The following HEMK1 variants were observed in gnomAD, a reference collection of about 807,000 sequenced individuals.
HEMK1 encodes HemK methyltransferase 1, mitochondrial release factors N(5)-glutamine, also known as MTRF1L release factor glutamine methyltransferase.
A neutral mutation model predicts 47.9 loss-of-function variants in HEMK1; 36 were observed. The ratio of observed to expected loss-of-function variants is 0.75; its 90% confidence interval spans 0.58 to 0.99. The LOEUF is 0.99. Among genes scored for constraint, HEMK1 ranks in the 50% least tolerant of loss-of-function variants. The pLI is 0.00. For synonymous variants in HEMK1, 153 were observed against 165.4 expected (o/e 0.93, Z 0.57); for missense variants, 383 against 434.5 (o/e 0.88, Z 1.05).
rs2031758117 is a variant in HEMK1, at chr3:50,592,130, G to A, written c.*11713G>A. ...AAAAAAAAAAAAGAAAGAAAAGAGA[G>A]CCAAAGCTCAGAGAGGGCCCATGAC... On this transcript the variant is annotated 3_prime_UTR_variant, in exon 11 of 11. Coordinates refer to ENST00000232854, the MANE Select transcript of HEMK1 (RefSeq NM_016173.5). The A allele has an allele frequency of 6.6e-6, 1 of 151,810 alleles. No homozygotes were observed. Among genetic ancestry groups the A allele is most frequent in the South Asian group, 2.1e-4 (1 of 4,816 alleles). 9.4% of individuals were successfully genotyped at this position (151,810 alleles called of 1,614,324 possible). A position where few individuals can be genotyped will look rare whatever the true frequency, so the allele number is the denominator to read the frequency against.
Position 50,571,303 on chromosome 3 carries a change from A to C in HEMK1, c.199A>C (p.Ile67Leu). 6.2e-7 allele frequency: 1 copy of C among 1,605,762 alleles called. No individual in the cohort carries two copies. Among genetic ancestry groups the C allele is most frequent in the Non-Finnish European group, 8.5e-7 (1 of 1,175,692 alleles). Reference sequence around the variant, plus strand: ...TGAGGCCCGGGAATCCAGTGAGTACATCGTGGCTCATGTCCTTGGAGCCAA... The same window carrying C: ...TGAGGCCCGGGAATCCAGTGAGTACCTCGTGGCTCATGTCCTTGGAGCCAA... The part of the protein sequence containing the change: ...IPEARESSEY[I>L]VAHVLGAKTF... Residue 67 changes from isoleucine (I) to leucine (L), a missense_variant, in exon 2 of 11, where the codon ATC (isoleucine) becomes CTC (leucine). By Grantham distance (5) the Ile-to-Leu change is conservative. Transcript: ENST00000232854.
At chr3:50,575,743 C>T (rs1054009008) in intron 4 of HEMK1, among the ~76,000 whole-genome samples, 1 of 152,202 alleles carries the variant, frequency 6.6e-6, no homozygotes, top group Non-Finnish European at 1.5e-5. Context: ...TCCCAGGAGT[C>T]CTGACCCTCT....
chr3:50,575,760 C>A (rs1322708978), intron 4 of HEMK1, among the ~76,000 whole-genome samples: 1 of 152,190 alleles, frequency 6.6e-6, no homozygotes, highest in Non-Finnish European at 1.5e-5. Context: ...CTCTGGGGGG[C>A]TTCTCTGCCC....
rs1315615364 is a variant in HEMK1 at position 50,571,318 on chromosome 3, C to A, written c.214C>A (p.Leu72Ile). Residue 72 changes from leucine (L) to isoleucine (I), a missense_variant, in exon 2 of 11, where the codon CTT becomes ATT. By Grantham distance (5) the Leu-to-Ile change is conservative (BLOSUM62 2). Coordinates refer to ENST00000232854, the MANE Select transcript of HEMK1 (RefSeq NM_016173.5). ...ESSEYIVAHV[L>I]GAKTFQSLRP... ...CAGTGAGTACATCGTGGCTCATGTC[C>A]TTGGAGCCAAAACAGTTAAGTTTAG... The A allele has an allele frequency of 2.5e-6, 4 of 1,593,954 alleles. No homozygotes were observed. The Admixed American group carries it at 7.0e-5, about 28-fold the overall frequency.
rs1472592726 is a variant in HEMK1 at position 50,584,890 on chromosome 3, G to C, written c.*4473G>C. 1 of 152,254 alleles carries C rather than the reference G, an allele frequency of 6.6e-6. No individual in the cohort carries two copies. The highest frequency in any genetic ancestry group is 2.4e-5 in the African/African-American group (1 of 41,454). 9.4% of individuals were successfully genotyped at this position (152,254 alleles called of 1,614,324 possible). Reference sequence around the variant, plus strand: ...TGGAATTGCAACGTGGAAATGGGCAGAGGCTGGAAGAATTTTGAGAGTCAT... The same window carrying C: ...TGGAATTGCAACGTGGAAATGGGCACAGGCTGGAAGAATTTTGAGAGTCAT... On this transcript the variant is annotated 3_prime_UTR_variant, in exon 11 of 11. Coordinates refer to ENST00000232854, the MANE Select transcript of HEMK1 (RefSeq NM_016173.5).
intron 9 of HEMK1, 61 bp from the exon 10 acceptor site, chr3:50,580,055 A>C (rs2030547512): frequency 6.5e-7 from 1 of 1,543,828 alleles, no homozygotes; most frequent in South Asian, 1.1e-5. Flanking sequence ...CAGCCCAAGC[A>C]GCCCAGAAGG....
intron 4 of HEMK1, among the ~76,000 whole-genome samples, chr3:50,576,297 G>A (rs887221884): frequency 2.0e-5 from 3 of 152,248 alleles, no homozygotes; most frequent in Non-Finnish European, 2.9e-5. Flanking sequence ...CCAGGCCTCA[G>A]TTTCCTCATG....
rs2031568898 is a variant in HEMK1 at position 50,588,943 on chromosome 3, C to T, written c.*8526C>T. The T allele has an allele frequency of 6.6e-6, 1 of 152,272 alleles. No individual in the cohort carries two copies. 9.4% of individuals were successfully genotyped at this position (152,272 alleles called of 1,614,324 possible). A position where few individuals can be genotyped will look rare whatever the true frequency, so the allele number is the denominator to read the frequency against. Reference sequence around the variant, plus strand: ...TTCTTCATCATTTCACTCAGCCCGCCTGTCTCAGCCCCCCAGAACTTTGGA... The same window carrying T: ...TTCTTCATCATTTCACTCAGCCCGCTTGTCTCAGCCCCCCAGAACTTTGGA... On this transcript the variant is annotated 3_prime_UTR_variant, in exon 11 of 11. Transcript: ENST00000232854.
At chr3:50,577,275 C>T (rs986754391) in intron 5 of HEMK1, 89 bp downstream of exon 5, 44 of 1,452,054 alleles carry the variant, frequency 3.0e-5, no homozygotes, top group Admixed American at 2.1e-4. Flanking sequence ...CTGCTAGGAG[C>T]GCTTGAGGGG....
At chr3:50,576,075 T>C (rs1198112942) in intron 4 of HEMK1, among the ~76,000 whole-genome samples, 1 of 152,250 alleles carries the variant, frequency 6.6e-6, no homozygotes, top group African/African-American at 2.4e-5. Context: ...TGTTGACCTA[T>C]GCCTGTGTAT....
At position 50,577,102 on chromosome 3, in the gene HEMK1, G is replaced by C; in HGVS notation, c.465G>C (p.Val155=). The C allele has an allele frequency of 6.2e-7, 1 of 1,613,916 alleles. No homozygotes were observed. The highest frequency in any genetic ancestry group is 8.5e-7 in the Non-Finnish European group (1 of 1,179,984). ...LEEVAQRSHA[V]GSPGSPLILE... ...AGGTGGCCCAGAGGTCCCATGCTGT[G>C]GGATCCCCAGGCAGCCCCCTCATTC... Residue 155 remains valine (V), a synonymous_variant, in exon 5 of 11, where the codon GTG becomes GTC. Coordinates refer to ENST00000232854, the MANE Select transcript of HEMK1 (RefSeq NM_016173.5).
chr3:50,582,573 G>A lies in HEMK1; in HGVS notation c.*2156G>A, dbSNP rs112830058. ...GCTTTATTTTATAGGATGCATGTGA[G>A]GAGCCCATGGGATGTGCCTGGCTTG... On this transcript the variant is annotated 3_prime_UTR_variant, in exon 11 of 11. Transcript: ENST00000232854. 1 of 152,392 alleles carries A rather than the reference G, an allele frequency of 6.6e-6. No individual in the cohort carries two copies. Among genetic ancestry groups the A allele is most frequent in the African/African-American group, 2.4e-5 (1 of 41,586 alleles). The allele number at this position is 152,392 out of a possible 1,614,324, so 9.4% of individuals were successfully genotyped here. A position where few individuals can be genotyped will look rare whatever the true frequency, so the allele number is the denominator to read the frequency against.
At chr3:50,579,768 A>G in intron 8 of HEMK1, 76 bp from the exon 9 acceptor site, 1 of 1,040,936 alleles carries the variant, frequency 9.6e-7, no homozygotes. Flanking sequence ...CCATTCATGG[A>G]GGCCTTGCCC....
rs186650755 is a variant in HEMK1, at chr3:50,584,684, C to T, written c.*4267C>T. The T allele has an allele frequency of 1.3e-5, 2 of 152,320 alleles. No individual in the cohort carries two copies. Among genetic ancestry groups the T allele is most frequent in the South Asian group, 2.1e-4 (1 of 4,822 alleles). The allele number at this position is 152,320 out of a possible 1,614,324, so 9.4% of individuals were successfully genotyped here. ...CCTGCCAATACCTTGATTTTAAGCCCTGTGAAACTGATTTCAGATTGCTGA... is the reference window on the plus strand; with the variant it reads ...CCTGCCAATACCTTGATTTTAAGCCTTGTGAAACTGATTTCAGATTGCTGA... On this transcript the variant is annotated 3_prime_UTR_variant, in exon 11 of 11. Transcript: ENST00000232854.
Position 50,579,202 on chromosome 3 carries a change from G to A in HEMK1, c.770+276G>A, listed in dbSNP as rs75425140. On this transcript the variant is annotated intron_variant, in intron 8 of 10. Coordinates refer to ENST00000232854, the MANE Select transcript of HEMK1 (RefSeq NM_016173.5). ...GAGAGGTAGTGCTCTGCAGGGCCAC[G>A]GGAGGACTCAGTGACGACTTGAAAG... is the stretch of plus-strand genomic sequence containing the variant. Among the ~76,000 whole-genome samples the A allele has an allele frequency of 7.2e-5, 11 of 152,316 alleles. No individual in the cohort carries two copies. The East Asian group carries it at 2.1e-3, about 29-fold the overall frequency.
chr3:50,591,389 T>G lies in HEMK1; in HGVS notation c.*10972T>G, dbSNP rs922736824. 3 of 152,314 alleles carry G rather than the reference T, an allele frequency of 2.0e-5. No homozygotes were observed. The highest frequency in any genetic ancestry group is 7.2e-5 in the African/African-American group (3 of 41,430). 9.4% of individuals were successfully genotyped at this position (152,314 alleles called of 1,614,324 possible). On this transcript the variant is annotated 3_prime_UTR_variant, in exon 11 of 11. Transcript: ENST00000232854. Reference sequence around the variant, plus strand: ...CTCATGAGTAGCTGGGTCCTTACGATTTTTCTGGTCAGCAGTGGGGAGCCG... The same window carrying G: ...CTCATGAGTAGCTGGGTCCTTACGAGTTTTCTGGTCAGCAGTGGGGAGCCG...
intron 2 of HEMK1, 125 bp downstream of exon 2, chr3:50,571,457 T>A: frequency 1.4e-6 from 1 of 736,110 alleles, no homozygotes; most frequent in Non-Finnish European, 2.3e-6. Flanking sequence ...TGAAGGAACG[T>A]CTTAGCGCCT....
chr3:50,577,093 C>G lies in HEMK1; in HGVS notation c.456C>G (p.Ser152=). The change falls in exon 5 of 11, where the codon TCC becomes TCG. Residue 152 remains serine, a synonymous_variant. Coordinates refer to ENST00000232854, the MANE Select transcript of HEMK1 (RefSeq NM_016173.5). ...TGCTGGAAGAGGTGGCCCAGAGGTC[C>G]CATGCTGTGGGATCCCCAGGCAGCC... The part of the protein sequence containing the change: ...EWVLEEVAQR[S]HAVGSPGSPL... The G allele has an allele frequency of 6.2e-7, 1 of 1,614,022 alleles. No individual in the cohort carries two copies. The highest frequency in any genetic ancestry group is 8.5e-7 in the Non-Finnish European group (1 of 1,180,000).
chr3:50,581,248 C>A lies in HEMK1; in HGVS notation c.*831C>A, dbSNP rs925969312. ...TTGTGGCCTCCACCCCAGCTCTGGT[C>A]TGTGCAGACTCATGGCCACCAGGAG... On this transcript the variant is annotated 3_prime_UTR_variant, in exon 11 of 11. Transcript: ENST00000232854. 1 of 152,218 alleles carries A rather than the reference C, an allele frequency of 6.6e-6. No homozygotes were observed. The highest frequency in any genetic ancestry group is 2.1e-4 in the South Asian group (1 of 4,826). The allele number at this position is 152,218 out of a possible 1,614,324, so 9.4% of individuals were successfully genotyped here.
Sources: allele counts gnomAD v4.1 joint callset (sites outside exome capture counted in the v4.1 genomes callset), GRCh38; gene constraint gnomAD v4.1.1; transcripts MANE v1.5; gene names NCBI Gene and HGNC (gene_info 2026-07-23, HGNC 2026-07-21).